QSOX2: variants seen among roughly 807,000 people sequenced by gnomAD.
QSOX2 encodes sulfhydryl oxidase 2.
In QSOX2, 46 loss-of-function variants were observed where a neutral mutation model predicts 61.7. The observed-to-expected ratio is 0.75, with a 90% CI of 0.59 to 0.95. The LOEUF (loss-of-function observed/expected upper bound fraction) is 0.95. QSOX2 is among the 40% of genes least tolerant of loss of function. QSOX2 has a pLI of 0.00. For synonymous variants in QSOX2, 383 were observed against 388.4 expected (o/e 0.99, Z 0.16); for missense variants, 879 against 918.9 (o/e 0.96, Z 0.56).
At chr9:136,215,033 T>C in intron 10 of QSOX2, 121 bp downstream of exon 10, 1 of 1,231,054 alleles carries the variant, frequency 8.1e-7, no homozygotes, top group South Asian at 1.7e-5. Context: ...GCCATTCCCC[T>C]GCCTCAGTGG....
chr9:136,209,036 G>A lies in QSOX2; in HGVS notation c.1789C>T (p.Pro597Ser). Reference sequence around the variant, plus strand: ...TCTCGGTCTCCATGGGACACCTCTGGGGGAGTGAGTCTTTTCTCCTCTTCC... The same window carrying A: ...TCTCGGTCTCCATGGGACACCTCTGAGGGAGTGAGTCTTTTCTCCTCTTCC... ...GEEEEKRLTP[P>S]EVSHGDRDTQ... Residue 597 changes from proline (P) to serine (S), a missense_variant, in exon 12 of 12, where the codon CCA (proline) becomes TCA (serine). Transcript: ENST00000358701. The surrounding 1 kb of genome is among the most constrained non-coding windows in gnomAD (Gnocchi z 5.6). 6.2e-7 allele frequency: 1 copy of A among 1,614,096 alleles called. No homozygotes were observed. Among genetic ancestry groups the A allele is most frequent in the South Asian group, 1.1e-5 (1 of 91,078 alleles).
In QSOX2 at chr9:136,209,010, GTC is replaced by G; in HGVS notation, c.1813_1814del (p.Asp605HisfsTer50). On this transcript the variant is annotated frameshift_variant, in exon 12 of 12. Transcript: ENST00000358701. LOFTEE classifies it low-confidence loss of function (END_TRUNC). This position sits in a 1 kb window ranked among gnomAD's most constrained non-coding sequence, Gnocchi z 5.6. Reference sequence around the variant, plus strand: ...CACCAGGTGGACGGACGCTCTGGGTGTCTCGGTCTCCATGGGACACCTCTGGG... The same window carrying G: ...CACCAGGTGGACGGACGCTCTGGGTGTCGGTCTCCATGGGACACCTCTGGG... ...TPPEVSHGDRDTQSVRPPGAL... is the reference protein window; with the variant it reads ...TPPEVSHGDRXTQSVRPPGAL... The G allele has an allele frequency of 6.2e-7, 1 of 1,613,990 alleles. No homozygotes were observed. The highest frequency in any genetic ancestry group is 1.7e-5 in the Admixed American group (1 of 60,012).
chr9:136,212,840 A>G (rs1831863401), intron 10 of QSOX2, among the ~76,000 whole-genome samples: 5 of 152,250 alleles, frequency 3.3e-5, no homozygotes, highest in Admixed American at 3.3e-4. Context: ...AGTAAAGAGA[A>G]GAAAAACCTT....
intron 1 of QSOX2, among the ~76,000 whole-genome samples, chr9:136,237,151 C>T (rs1156652913): frequency 4.1e-4 from 55 of 135,068 alleles, no homozygotes; most frequent in Middle Eastern, 9.5e-3. Flanking sequence ...ACCTGGAGCC[C>T]GTCCTGGGCC....
intron 1 of QSOX2, among the ~76,000 whole-genome samples, chr9:136,236,602 C>T (rs1830384187): frequency 6.6e-6 from 1 of 152,232 alleles, no homozygotes; most frequent in Non-Finnish European, 1.5e-5. Flanking sequence ...GGGTGCACTC[C>T]ACCTTGACAC....
In QSOX2 at chr9:136,223,880, T is replaced by C; in HGVS notation, c.585-27A>G. The C allele has an allele frequency of 2.5e-6, 4 of 1,609,678 alleles. No individual in the cohort carries two copies. Among genetic ancestry groups the C allele is most frequent in the Middle Eastern group, 1.6e-4 (1 of 6,080 alleles). On this transcript the variant is annotated intron_variant, in intron 4 of 11. Transcript: ENST00000358701. The surrounding 1 kb of genome is among the most constrained non-coding windows in gnomAD (Gnocchi z 4.4). The stretch of plus-strand genomic sequence containing the variant: ...TTTCAAGAGGAAAAAAAGAGGCTTT[T>C]AGTGCCGTCAACAGCAGCGAGTTGG...
At chr9:136,210,408 G>A (rs1248060666) in intron 11 of QSOX2, 1 of 985,356 alleles carries the variant, frequency 1.0e-6, no homozygotes, top group Non-Finnish European at 1.2e-6. Context: ...GGTAGCAGCA[G>A]GGGCTCCAGG....
At chr9:136,226,394 G>C (rs1376203183) in intron 2 of QSOX2, among the ~76,000 whole-genome samples, 1 of 152,214 alleles carries the variant, frequency 6.6e-6, no homozygotes, top group African/African-American at 2.4e-5. Flanking sequence ...GAGTGTGCAT[G>C]TGTGAGAGCC....
chr9:136,219,298 G>T, intron 6 of QSOX2, 134 bp from the exon 7 acceptor site: 1 of 1,128,926 alleles, frequency 8.9e-7, no homozygotes, highest in Non-Finnish European at 1.2e-6. Flanking sequence ...GGAGTCAGTG[G>T]GAACAGCTGA....
chr9:136,230,944 C>T (rs1218607014), intron 1 of QSOX2, among the ~76,000 whole-genome samples: 3 of 152,222 alleles, frequency 2.0e-5, no homozygotes, highest in Non-Finnish European at 4.4e-5. Context: ...GCTTTCCCAT[C>T]TATTTCACAA....
intron 1 of QSOX2, among the ~76,000 whole-genome samples, chr9:136,237,733 G>A (rs1448201528): frequency 1.3e-5 from 2 of 151,856 alleles, no homozygotes; most frequent in African/African-American, 4.8e-5. Context: ...GTCACCTGGA[G>A]CCCGTCCTGT....
Position 136,209,232 on chromosome 9 carries a change from G to A in QSOX2, c.1593C>T (p.Pro531=). Residue 531 remains proline, a synonymous_variant, in exon 12 of 12, where the codon CCC becomes CCT. Coordinates refer to ENST00000358701, the MANE Select transcript of QSOX2 (RefSeq NM_181701.4). The surrounding 1 kb of genome is among the most constrained non-coding windows in gnomAD (Gnocchi z 5.6). ...EDPRFPKLQW[P]TPDLCPACHE... Reference sequence around the variant, plus strand: ...GGCAGGCTGGGCAGAGGTCCGGAGTGGGCCACTGAAGCTTTGGAAACCGGG... The same window carrying A: ...GGCAGGCTGGGCAGAGGTCCGGAGTAGGCCACTGAAGCTTTGGAAACCGGG... 2.5e-6 allele frequency: 4 copies of A among 1,613,756 alleles called. No individual in the cohort carries two copies. Among genetic ancestry groups the A allele is most frequent in the East Asian group, 2.2e-5 (1 of 44,854 alleles).
rs574686885 is a variant in QSOX2, at chr9:136,232,705, C to T, written c.329-5831G>A. Among the ~76,000 whole-genome samples the T allele has an allele frequency of 2.8e-4, 43 of 151,958 alleles. 1 individual carries two copies. The highest frequency in any genetic ancestry group is 2.1e-3 in the South Asian group (10 of 4,808). On this transcript the variant is annotated intron_variant, in intron 1 of 11. Coordinates refer to ENST00000358701, the MANE Select transcript of QSOX2 (RefSeq NM_181701.4). The stretch of plus-strand genomic sequence containing the variant: ...TCCAAGCACTTTGTGAGGCTGAGGC[C>T]GGTGGATCACTTGAGCCCAGGAGTT...
intron 7 of QSOX2, 34 bp from the exon 8 acceptor site, chr9:136,218,842 C>T (rs534667675): frequency 6.2e-7 from 1 of 1,604,398 alleles, no homozygotes; most frequent in South Asian, 1.1e-5. Flanking sequence ...AGGGAATGCC[C>T]AACCTTTCCC....
chr9:136,226,770 T>G lies in QSOX2; in HGVS notation c.429+4A>C, dbSNP rs1830286377. 1 of 1,611,472 alleles carries G rather than the reference T, an allele frequency of 6.2e-7. No individual in the cohort carries two copies. Among genetic ancestry groups the G allele is most frequent in the Admixed American group, 1.7e-5 (1 of 59,996 alleles). Reference sequence around the variant, plus strand: ...CAACGGACAAGCAGCCGCGTGATACTCACCCGGAAGGTGGGGTAGAAGTGG... The same window carrying G: ...CAACGGACAAGCAGCCGCGTGATACGCACCCGGAAGGTGGGGTAGAAGTGG... On this transcript the variant is annotated splice_donor_region_variant and intron_variant, in intron 2 of 11. Coordinates refer to ENST00000358701, the MANE Select transcript of QSOX2 (RefSeq NM_181701.4).
intron 1 of QSOX2, among the ~76,000 whole-genome samples, chr9:136,234,607 C>G (rs1588640198): frequency 6.6e-6 from 1 of 152,222 alleles, no homozygotes; most frequent in African/African-American, 2.4e-5. Context: ...AGCACGCTGG[C>G]ACCCAGGAAC....
chr9:136,217,743 G>A (rs997718377), intron 8 of QSOX2, among the ~76,000 whole-genome samples: 8 of 152,198 alleles, frequency 5.3e-5, no homozygotes, highest in South Asian at 2.1e-4. Context: ...GCTGGCCGGC[G>A]GCCACCACCA....
At chr9:136,230,567 G>A (rs998393214) in intron 1 of QSOX2, among the ~76,000 whole-genome samples, 5 of 152,300 alleles carry the variant, frequency 3.3e-5, no homozygotes, top group African/African-American at 1.2e-4. Flanking sequence ...CCTCCGTGAC[G>A]GCATCCTTAT....
chr9:136,217,029 C>T (rs942518150), intron 8 of QSOX2, among the ~76,000 whole-genome samples: 14 of 152,246 alleles, frequency 9.2e-5, no homozygotes, highest in Admixed American at 7.8e-4. Context: ...GGCAAGGTCA[C>T]GGTGTGTGAC....
Sources: gnomAD v4.1 joint callset for allele counts (sites outside exome capture counted in the v4.1 genomes callset) on GRCh38, gnomAD v4.1.1 for gene constraint, Gnocchi (gnomAD v3.1) non-coding constraint, MANE v1.5 for transcripts, NCBI Gene and HGNC (gene_info 2026-07-23, HGNC 2026-07-21) for gene names.